Variants in VAT1L observed in about 807,000 individuals in gnomAD.
The protein encoded by VAT1L is vesicle amine transport 1 like, also known as putative NADPH-dependent quinone oxidoreductase VAT1L.
A neutral mutation model predicts 44.1 loss-of-function variants in VAT1L; 34 were observed. The ratio of observed to expected loss-of-function variants is 0.77; its 90% confidence interval spans 0.59 to 1.03. The LOEUF (loss-of-function observed/expected upper bound fraction) is 1.03. Among genes scored for constraint, VAT1L ranks in the 50% least tolerant of loss-of-function variants. The pLI, the probability that VAT1L is intolerant of heterozygous loss-of-function variation, is 0.00. For synonymous variants in VAT1L, 253 were observed against 202.2 expected (o/e 1.25, Z -2.13); for missense variants, 615 against 538.8 (o/e 1.14, Z -1.40).
At chr16:77,971,564 T>C (rs993505908) in intron 7 of VAT1L, among the ~76,000 whole-genome samples, 3 of 152,230 alleles carry the variant, frequency 2.0e-5, no homozygotes, top group East Asian at 1.9e-4. Flanking sequence ...TTCTGAGAAC[T>C]CCAGAGAACC....
chr16:77,967,990 G>A (rs1324756347), intron 7 of VAT1L, among the ~76,000 whole-genome samples: 2 of 152,136 alleles, frequency 1.3e-5, no homozygotes, highest in East Asian at 3.8e-4. Flanking sequence ...TAATCTTTGG[G>A]TAAATTGCTT....
Position 77,817,271 on chromosome 16 carries a change from C to T in VAT1L, c.363+221C>T, listed in dbSNP as rs59704748. 6.5e-3 allele frequency among the ~76,000 whole-genome samples: 985 copies of T among 152,222 alleles called. 8 individuals carry two copies. Among genetic ancestry groups the T allele is most frequent in the Middle Eastern group, 0.031 (9 of 294 alleles). On this transcript the variant is annotated intron_variant, in intron 2 of 8. Transcript: ENST00000302536. Reference sequence around the variant, plus strand: ...CAGCATTCTGGTGCAGGGGGCAGGACAAATCTTGTCTCCCCCTTCATTCAT... The same window carrying T: ...CAGCATTCTGGTGCAGGGGGCAGGATAAATCTTGTCTCCCCCTTCATTCAT...
At chr16:77,823,356 C>G (rs2016483082) in intron 2 of VAT1L, among the ~76,000 whole-genome samples, 1 of 152,112 alleles carries the variant, frequency 6.6e-6, no homozygotes, top group African/African-American at 2.4e-5. Context: ...CCTCTAAGCC[C>G]TATCACTCAT....
intron 8 of VAT1L, among the ~76,000 whole-genome samples, chr16:77,976,030 C>G (rs550471867): frequency 1.6e-4 from 24 of 152,330 alleles, no homozygotes; most frequent in African/African-American, 5.8e-4. Context: ...GAACCAATGT[C>G]TGCGAGCCAA....
intron 2 of VAT1L, 121 bp from the exon 3 acceptor site, chr16:77,825,125 C>A: frequency 9.5e-7 from 1 of 1,055,996 alleles, no homozygotes; most frequent in Non-Finnish European, 1.4e-6. Context: ...CCTCAGCCTC[C>A]CAAAGTGCTG....
At chr16:77,887,613 T>A (rs908388838) in intron 7 of VAT1L, among the ~76,000 whole-genome samples, 1 of 152,114 alleles carries the variant, frequency 6.6e-6, no homozygotes, top group African/African-American at 2.4e-5. Context: ...GCTGGGGTTG[T>A]CAGCACTGGC....
At chr16:77,931,794 T>C (rs2017734486) in intron 7 of VAT1L, among the ~76,000 whole-genome samples, 1 of 152,178 alleles carries the variant, frequency 6.6e-6, no homozygotes, top group Non-Finnish European at 1.5e-5. Flanking sequence ...TAGCACATGC[T>C]AGAGTTAGTA....
intron 7 of VAT1L, among the ~76,000 whole-genome samples, chr16:77,933,799 T>C (rs1349989596): frequency 6.6e-6 from 1 of 151,814 alleles, no homozygotes; most frequent in African/African-American, 2.4e-5. Flanking sequence ...AGCAAGGAAG[T>C]GAAGGGGACA....
chr16:77,805,911 G>A (rs1028810905), intron 1 of VAT1L, among the ~76,000 whole-genome samples: 28 of 112,522 alleles, frequency 2.5e-4, no homozygotes, highest in African/African-American at 8.3e-4. Context: ...GGCCCAGGCT[G>A]GAGAGCAATG....
At chr16:77,894,056 A>G (rs76563180) in intron 7 of VAT1L, among the ~76,000 whole-genome samples, 6,204 of 152,268 alleles carry the variant, frequency 0.041, 251 homozygotes, top group East Asian at 0.16. Flanking sequence ...CACACGGCCA[A>G]TGCATGGCAA....
intron 2 of VAT1L, among the ~76,000 whole-genome samples, chr16:77,822,789 G>C (rs1281568761): frequency 6.6e-6 from 1 of 152,112 alleles, no homozygotes; most frequent in African/African-American, 2.4e-5. Context: ...ACCAGACTTT[G>C]CCTTGCTCTT....
intron 3 of VAT1L, among the ~76,000 whole-genome samples, chr16:77,834,313 G>C (rs962296313): frequency 6.6e-6 from 1 of 152,148 alleles, no homozygotes; most frequent in Admixed American, 6.5e-5. Context: ...AAGCTTTGTA[G>C]TCTGCTTCTG....
At chr16:77,943,215 C>G (rs1175776262) in intron 7 of VAT1L, among the ~76,000 whole-genome samples, 1 of 150,844 alleles carries the variant, frequency 6.6e-6, no homozygotes, top group African/African-American at 2.4e-5. Flanking sequence ...CACCACCACA[C>G]CCAGCTAATT....
chr16:77,859,724 A>T (rs1245765304), intron 3 of VAT1L, among the ~76,000 whole-genome samples: 1 of 152,198 alleles, frequency 6.6e-6, no homozygotes, highest in East Asian at 1.9e-4. Flanking sequence ...GAGATAACAC[A>T]GTTTCTGAAT....
At chr16:77,860,105 GA>G (rs1243716147) in intron 3 of VAT1L, among the ~76,000 whole-genome samples, 1 of 152,170 alleles carries the variant, frequency 6.6e-6, no homozygotes, top group Non-Finnish European at 1.5e-5. Flanking sequence ...AAGCCGAGGA[GA>G]AAGGCCTGGA....
chr16:77,799,507 GTGTGTGTGT>G (rs2016004950), intron 1 of VAT1L, among the ~76,000 whole-genome samples: 1 of 698 alleles, frequency 1.4e-3, no homozygotes, highest in Non-Finnish European at 7.5e-3. Flanking sequence ...AATACATGGT[GTGTGTGTGT>G]GTGTGTGTGT....
At chr16:77,832,482 GGAA>G (rs2016591054) in intron 3 of VAT1L, among the ~76,000 whole-genome samples, 1 of 152,168 alleles carries the variant, frequency 6.6e-6, no homozygotes, top group Non-Finnish European at 1.5e-5. Flanking sequence ...AGGAAGGGCT[GGAA>G]GAAGCATTCC....
chr16:77,835,746 G>T (rs1428276220), intron 3 of VAT1L, among the ~76,000 whole-genome samples: 1 of 152,072 alleles, frequency 6.6e-6, no homozygotes, highest in African/African-American at 2.4e-5. Flanking sequence ...GGTGGTGGAT[G>T]CCTGTAATCC....
intron 3 of VAT1L, among the ~76,000 whole-genome samples, chr16:77,831,528 C>T (rs971100690): frequency 6.6e-6 from 1 of 152,142 alleles, no homozygotes; most frequent in Non-Finnish European, 1.5e-5. Flanking sequence ...AACCCATAAC[C>T]CTAATTTAAT....
Sources: allele counts gnomAD v4.1 joint callset (sites outside exome capture counted in the v4.1 genomes callset), GRCh38; gene constraint gnomAD v4.1.1; transcripts MANE v1.5; gene names NCBI Gene and HGNC (gene_info 2026-07-23, HGNC 2026-07-21).